Variants in CUBN observed in about 807,000 individuals in gnomAD.
CUBN encodes cubilin.
CUBN carries 282 observed loss-of-function variants against 405.3 expected under a neutral mutation model. The observed-to-expected ratio is 0.70, with a 90% CI of 0.63 to 0.77. The LOEUF (loss-of-function observed/expected upper bound fraction) is 0.77, where lower values mean the gene tolerates loss of function less well. Ranked by LOEUF, CUBN falls within the 30% of genes least tolerant of loss-of-function variation. The pLI is 0.00. For missense variants in CUBN, 4,514 were observed against 4,475.2 expected, an observed-to-expected ratio of 1.01 and a Z score of -0.25; for synonymous variants, 1,684 against 1,617.0, an observed-to-expected ratio of 1.04 and a Z score of -0.99.
chr10:16,868,747 C>G (rs74116745), intron 59 of CUBN, among the ~76,000 whole-genome samples: 5,402 of 152,012 alleles, frequency 0.036, 318 homozygotes, highest in African/African-American at 0.12. Flanking sequence ...TTCAGTTTAT[C>G]CTCTCACCTA....
At chr10:17,032,450 T>A (rs969701428) in intron 27 of CUBN, among the ~76,000 whole-genome samples, 3 of 152,120 alleles carry the variant, frequency 2.0e-5, no homozygotes, top group African/African-American at 2.4e-5. Context: ...TCACTTCATG[T>A]AGTGATGACA....
At chr10:17,018,307 C>G (rs140996920) in intron 28 of CUBN, among the ~76,000 whole-genome samples, 1 of 152,160 alleles carries the variant, frequency 6.6e-6, no homozygotes, top group Non-Finnish European at 1.5e-5. Flanking sequence ...AAAATGTGTC[C>G]GGAATTTATT....
At chr10:17,076,297 T>C (rs924734072) in intron 17 of CUBN, among the ~76,000 whole-genome samples, 2 of 152,092 alleles carry the variant, frequency 1.3e-5, no homozygotes, top group Non-Finnish European at 2.9e-5. Flanking sequence ...TCTGTGGAAA[T>C]GAAACCTTAT....
intron 17 of CUBN, among the ~76,000 whole-genome samples, chr10:17,083,029 C>G (rs1836006449): frequency 6.6e-6 from 1 of 151,522 alleles, no homozygotes; most frequent in African/African-American, 2.4e-5. Context: ...TAATTGAAAG[C>G]TATTTTTGCT....
intron 31 of CUBN, among the ~76,000 whole-genome samples, chr10:16,975,888 C>T (rs1329650031): frequency 6.6e-6 from 1 of 151,880 alleles, no homozygotes; most frequent in Admixed American, 6.6e-5. Flanking sequence ...CTAGGCCTCC[C>T]AAAGTGCTGG....
At chr10:17,097,019 C>T (rs1403816227) in intron 14 of CUBN, among the ~76,000 whole-genome samples, 1 of 151,880 alleles carries the variant, frequency 6.6e-6, no homozygotes, top group African/African-American at 2.4e-5. Flanking sequence ...TCAATGCTTC[C>T]AAGTCAAGAA....
chr10:16,987,379 G>C (rs533881712), intron 29 of CUBN, among the ~76,000 whole-genome samples: 2 of 152,164 alleles, frequency 1.3e-5, no homozygotes, highest in Non-Finnish European at 2.9e-5. Flanking sequence ...ATGTGTTTTA[G>C]CAAATGCTCA....
chr10:17,071,853 G>A lies in CUBN; in HGVS notation c.2420C>T (p.Ala807Val). The A allele has an allele frequency of 6.2e-7, 1 of 1,612,682 alleles. No individual in the cohort carries two copies. Among genetic ancestry groups the A allele is most frequent in the Non-Finnish European group, 8.5e-7 (1 of 1,179,736 alleles). Residue 807 changes from alanine (A) to valine (V), a missense_variant, in exon 18 of 67, where the codon GCT (alanine) becomes GTT (valine). Ala to Val is a moderately conservative substitution (Grantham distance 64). Around this residue, in one of 5 missense-constraint regions of CUBN, gnomAD observed 1,448 missense variants for 1,388.0 expected, o/e 1.04. Transcript: ENST00000377833. ...RFKIDASVEK[A>V]SFRAVYQVAC... ...GACTTGATAAACAGCTCTGAAACTAGCTTTTTCAACAGAAGCATCTATTTT... is the reference window on the plus strand; with the variant it reads ...GACTTGATAAACAGCTCTGAAACTAACTTTTTCAACAGAAGCATCTATTTT...
At chr10:16,950,266 C>T (rs1271528824) in intron 33 of CUBN, among the ~76,000 whole-genome samples, 155 bp from the exon 34 acceptor site, 1 of 151,788 alleles carries the variant, frequency 6.6e-6, no homozygotes, top group South Asian at 2.1e-4. Context: ...TAATTGTAGT[C>T]GATAATAACT....
intron 27 of CUBN, among the ~76,000 whole-genome samples, chr10:17,027,598 T>G (rs532733940): frequency 6.6e-6 from 1 of 152,324 alleles, no homozygotes; most frequent in African/African-American, 2.4e-5. Flanking sequence ...AGCAATATCT[T>G]TGGGGACCTA....
Position 17,045,118 on chromosome 10 carries a change from G to A in CUBN, c.3561C>T (p.His1187=), listed in dbSNP as rs548129139. 8.1e-6 allele frequency: 13 copies of A among 1,614,036 alleles called. No homozygotes were observed. The South Asian group carries it at 1.4e-4, about 18-fold the overall frequency. Residue 1187 remains histidine (H), a synonymous_variant, in exon 25 of 67, where the codon CAC becomes CAT. Transcript: ENST00000377833. ...TCAACCACCAGTAGCATTCAGAGCT[G>A]TGGTAATAGGGCATCGGGTAGTTGG... is the stretch of plus-strand genomic sequence containing the variant. ...ISPNYPMPYY[H]SSECYWWLKS...
At chr10:17,036,468 G>C (rs1295303580) in intron 27 of CUBN, among the ~76,000 whole-genome samples, 3 of 152,136 alleles carry the variant, frequency 2.0e-5, no homozygotes, top group Non-Finnish European at 4.4e-5. Context: ...AGCCTCTCCT[G>C]TGTGTGGGGA....
chr10:17,058,929 G>A (rs1191329044), intron 22 of CUBN, among the ~76,000 whole-genome samples: 1 of 151,756 alleles, frequency 6.6e-6, no homozygotes, highest in Non-Finnish European at 1.5e-5. Context: ...TATTGCCAAA[G>A]GAAAATTCAT....
chr10:16,850,712 A>G (rs1291230103), intron 60 of CUBN, among the ~76,000 whole-genome samples: 1 of 152,052 alleles, frequency 6.6e-6, no homozygotes, highest in Non-Finnish European at 1.5e-5. Context: ...GCCTCAAGTG[A>G]TCCTCCTGCC....
In CUBN at chr10:16,899,015, C is replaced by T. The variant is rs2131416995; in HGVS notation, c.8579G>A (p.Cys2860Tyr). 6.2e-7 allele frequency: 1 copy of T among 1,612,874 alleles called. No individual in the cohort carries two copies. The highest frequency in any genetic ancestry group is 8.5e-7 in the Non-Finnish European group (1 of 1,178,826). ...NFLIPSGDGQ[C>Y]QNSFVKVWAG... ...ACTAACCTTCACGAAGCTATTCTGA[C>T]ATTGTCCATCACCGCTGGGGATTAG... Residue 2860 changes from cysteine (C) to tyrosine (Y), a missense_variant, in exon 54 of 67, where the codon TGT (cysteine) becomes TAT (tyrosine). Physicochemically the swap from Cys to Tyr is radical, Grantham distance 194. Around this residue, in one of 5 missense-constraint regions of CUBN, gnomAD observed 1,186 missense variants for 1,186.9 expected, o/e 1.00. Transcript: ENST00000377833.
At chr10:16,991,910 T>C (rs913961652) in intron 28 of CUBN, among the ~76,000 whole-genome samples, 4 of 152,184 alleles carry the variant, frequency 2.6e-5, no homozygotes, top group Non-Finnish European at 4.4e-5. Context: ...CAAAGGAATA[T>C]AAATCATGCT....
At chr10:16,934,857 G>A (rs987804208) in intron 39 of CUBN, among the ~76,000 whole-genome samples, 6 of 152,202 alleles carry the variant, frequency 3.9e-5, no homozygotes, top group Non-Finnish European at 8.8e-5. Context: ...TGGATGATGA[G>A]AGGCACCCAG....
chr10:17,023,420 G>A (rs1198734106), intron 27 of CUBN, among the ~76,000 whole-genome samples: 3 of 150,584 alleles, frequency 2.0e-5, no homozygotes, highest in Non-Finnish European at 4.4e-5. Flanking sequence ...AAAGTTTGCC[G>A]TTAATAAAAT....
intron 28 of CUBN, among the ~76,000 whole-genome samples, chr10:17,003,284 C>A (rs1213309779): frequency 6.6e-6 from 1 of 152,118 alleles, no homozygotes; most frequent in Non-Finnish European, 1.5e-5. Context: ...CACAGCCTAG[C>A]AGGAAGCGAC....
Sources: allele counts gnomAD v4.1 joint callset (sites outside exome capture counted in the v4.1 genomes callset), GRCh38; gene constraint gnomAD v4.1.1; regional missense constraint gnomAD v4.1.1; transcripts MANE v1.5; gene names NCBI Gene and HGNC (gene_info 2026-07-23, HGNC 2026-07-21).